The following ERGIC2 variants were observed in gnomAD, a reference collection of about 807,000 sequenced individuals.
ERGIC2 encodes ERGIC and golgi 2, also known as endoplasmic reticulum-Golgi intermediate compartment protein 2.
A neutral mutation model predicts 52.5 loss-of-function variants in ERGIC2; 31 were observed. The ratio of observed to expected loss-of-function variants is 0.59; its 90% CI spans 0.44 to 0.80. The LOEUF is 0.80. Ranked by LOEUF, ERGIC2 falls within the 30% of genes least tolerant of loss-of-function variation. ERGIC2 has a pLI of 0.00. For synonymous variants in ERGIC2, 129 were observed against 140.6 expected, an observed-to-expected ratio of 0.92 and a Z score of 0.58; for missense variants, 395 against 455.2, an observed-to-expected ratio of 0.87 and a Z score of 1.20.
Position 29,340,884 on chromosome 12 carries a change from T to A in ERGIC2, c.*272A>T, listed in dbSNP as rs1949832934. ...TGATTTTGATACCACCCATTTGCTA[T>A]GAAAATATAAGAAGGCGTCATCTTC... On this transcript the variant is annotated 3_prime_UTR_variant, in exon 14 of 14. Coordinates refer to ENST00000360150, the MANE Select transcript of ERGIC2 (RefSeq NM_016570.3). The A allele has an allele frequency of 2.0e-6, 1 of 489,440 alleles. No individual in the cohort carries two copies. Among genetic ancestry groups the A allele is most frequent in the African/African-American group, 2.0e-5 (1 of 50,112 alleles). The allele number at this position is 489,440 out of a possible 1,614,324, so 30.3% of individuals were successfully genotyped here.
intron 5 of ERGIC2, among the ~76,000 whole-genome samples, chr12:29,365,633 C>T (rs1169903234): frequency 6.9e-6 from 1 of 144,276 alleles, no homozygotes; most frequent in East Asian, 2.1e-4. Context: ...AGTCCCTCTT[C>T]AAAATGATAA....
At chr12:29,375,528 T>C (rs950178295) in intron 1 of ERGIC2, among the ~76,000 whole-genome samples, 5 of 152,162 alleles carry the variant, frequency 3.3e-5, no homozygotes, top group African/African-American at 9.7e-5. Context: ...ACAGTGGCCA[T>C]CACATAGTCA....
Position 29,343,191 on chromosome 12 carries a change from T to TCA in ERGIC2, c.915_916dup (p.Glu306ValfsTer12). 1 of 1,611,420 alleles carries TCA rather than the reference T, an allele frequency of 6.2e-7. No individual in the cohort carries two copies. The highest frequency in any genetic ancestry group is 8.5e-7 in the Non-Finnish European group (1 of 1,178,192). On this transcript the variant is annotated frameshift_variant, in exon 12 of 14. Transcript: ENST00000360150. LOFTEE classifies it high-confidence loss of function. ...AAACTGCCAGAATGGCATGTGCTCCTCAGTAACTGTCACCATAAGAGAACT... is the reference window on the plus strand; with the variant it reads ...AAACTGCCAGAATGGCATGTGCTCCTCACAGTAACTGTCACCATAAGAGAACT...
intron 7 of ERGIC2, 21 bp downstream of exon 7, chr12:29,357,602 C>A: frequency 1.7e-6 from 2 of 1,210,218 alleles, no homozygotes; most frequent in Non-Finnish European, 2.4e-6. Context: ...AACAGTTGCA[C>A]ATTTAAAATA....
chr12:29,357,043 C>T (rs1323640072), intron 7 of ERGIC2, among the ~76,000 whole-genome samples: 1 of 123,714 alleles, frequency 8.1e-6, no homozygotes, highest in Non-Finnish European at 1.6e-5. Flanking sequence ...TCTTGGCTCA[C>T]TGTAACCCCG....
intron 9 of ERGIC2, among the ~76,000 whole-genome samples, chr12:29,349,735 A>G (rs545615128): frequency 6.6e-6 from 1 of 152,204 alleles, no homozygotes; most frequent in South Asian, 2.1e-4. Context: ...GCAAATTGAA[A>G]TAAACTGCAA....
At chr12:29,364,283 A>G (rs1278156804) in intron 5 of ERGIC2, among the ~76,000 whole-genome samples, 3 of 152,138 alleles carry the variant, frequency 2.0e-5, no homozygotes, top group Non-Finnish European at 2.9e-5. Context: ...AACAGAATGG[A>G]GAATCCAGAA....
chr12:29,356,353 A>G lies in ERGIC2; in HGVS notation c.572+29T>C, dbSNP rs762803863. The stretch of plus-strand genomic sequence containing the variant: ...TTAACCAAGCTCCAACTTTGTCTAA[A>G]GTATTTTCAGTAAGTGAAAAGAACA... On this transcript the variant is annotated intron_variant, in intron 8 of 13. Transcript: ENST00000360150. 12 of 1,289,868 alleles carry G rather than the reference A, an allele frequency of 9.3e-6. No individual in the cohort carries two copies. In the East Asian group the frequency reaches 2.5e-4, roughly 27 times the overall value. 79.9% of individuals were successfully genotyped at this position (1,289,868 alleles called of 1,614,324 possible).
Position 29,341,205 on chromosome 12 carries a change from T to A in ERGIC2, c.1085A>T (p.Asp362Val). 1 of 1,608,858 alleles carries A rather than the reference T, an allele frequency of 6.2e-7. No homozygotes were observed. Residue 362 changes from aspartate (D) to valine (V), a missense_variant, in exon 14 of 14, where the codon GAT becomes GTT. Physicochemically the swap from Asp to Val is radical, Grantham distance 152. Transcript: ENST00000360150. ...AGGTAAGTGGTTGTCTGTGTGGCCATCCTCAAAAGGAACCTAAGGAGAAAA... is the reference window on the plus strand; with the variant it reads ...AGGTAAGTGGTTGTCTGTGTGGCCAACCTCAAAAGGAACCTAAGGAGAAAA... ...YKPVNSVPFE[D>V]GHTDNHLPLL... is the part of the protein sequence containing the mutation.
At position 29,350,085 on chromosome 12, in the gene ERGIC2, C is replaced by G; in HGVS notation, c.573-17G>C. On this transcript the variant is annotated splice_polypyrimidine_tract_variant and intron_variant, in intron 8 of 13. Transcript: ENST00000360150. ...GGAATTGCCCTGAAAGGAGAAAAAA[C>G]AATTATTAAAGTAGTACCATTTATA... is the stretch of plus-strand genomic sequence containing the variant. 1 of 1,537,430 alleles carries G rather than the reference C, an allele frequency of 6.5e-7. No individual in the cohort carries two copies. The highest frequency in any genetic ancestry group is 9.0e-7 in the Non-Finnish European group (1 of 1,113,636).
intron 5 of ERGIC2, among the ~76,000 whole-genome samples, chr12:29,362,765 C>G (rs1299630752): frequency 6.6e-6 from 1 of 152,154 alleles, no homozygotes; most frequent in Non-Finnish European, 1.5e-5. Context: ...CCCAATCTTT[C>G]TGATGTTTCC....
At chr12:29,351,075 C>A (rs1011875577) in intron 8 of ERGIC2, among the ~76,000 whole-genome samples, 3 of 151,770 alleles carry the variant, frequency 2.0e-5, no homozygotes, top group African/African-American at 7.2e-5. Context: ...GCACTGAGCT[C>A]AAAAAATATA....
At chr12:29,365,749 T>G (rs1418507277) in intron 5 of ERGIC2, among the ~76,000 whole-genome samples, 3 of 151,430 alleles carry the variant, frequency 2.0e-5, no homozygotes, top group Admixed American at 6.6e-5. Flanking sequence ...TATTAAAATA[T>G]CTAATAATAA....
intron 1 of ERGIC2, among the ~76,000 whole-genome samples, chr12:29,373,823 G>A (rs961607118): frequency 1.3e-5 from 2 of 152,010 alleles, no homozygotes; most frequent in South Asian, 2.1e-4. Flanking sequence ...TGACCCCCAC[G>A]TCAGTTATAA....
intron 8 of ERGIC2, among the ~76,000 whole-genome samples, chr12:29,355,115 T>C (rs2136861851): frequency 6.6e-6 from 1 of 152,262 alleles, no homozygotes; most frequent in Non-Finnish European, 1.5e-5. Flanking sequence ...CTCCTTTATA[T>C]ATTAAATTCC....
chr12:29,350,575 C>A (rs900512620), intron 8 of ERGIC2, among the ~76,000 whole-genome samples: 1 of 152,024 alleles, frequency 6.6e-6, no homozygotes, highest in Non-Finnish European at 1.5e-5. Context: ...TGAGCATATT[C>A]ATTGCTTGAA....
intron 2 of ERGIC2, among the ~76,000 whole-genome samples, 161 bp from the exon 3 acceptor site, chr12:29,370,383 T>C (rs1940424934): frequency 6.6e-6 from 1 of 151,964 alleles, no homozygotes. Context: ...AAAATGTTTA[T>C]TATGCATTTT....
chr12:29,340,707 AGTTTTCCGTAT>A lies in ERGIC2; in HGVS notation c.*438_*448del, dbSNP rs1237545464. 3 of 350,920 alleles carry A rather than the reference AGTTTTCCGTAT, an allele frequency of 8.5e-6. No individual in the cohort carries two copies. The highest frequency in any genetic ancestry group is 4.4e-5 in the African/African-American group (2 of 45,196). 21.7% of individuals were successfully genotyped at this position (350,920 alleles called of 1,614,324 possible). ...ATCACAATTCTTTAAAGTCTAGACT[AGTTTTCCGTAT>A]GTTTTCCACATTTTATTCTGACATC... is the stretch of plus-strand genomic sequence containing the variant. On this transcript the variant is annotated 3_prime_UTR_variant, in exon 14 of 14. Transcript: ENST00000360150.
At chr12:29,364,678 C>T (rs1476158742) in intron 5 of ERGIC2, among the ~76,000 whole-genome samples, 1 of 152,028 alleles carries the variant, frequency 6.6e-6, no homozygotes, top group Non-Finnish European at 1.5e-5. Context: ...AGACAACCTA[C>T]AGAATGTGAG....
Sources: allele counts gnomAD v4.1 joint callset (sites outside exome capture counted in the v4.1 genomes callset), GRCh38; gene constraint gnomAD v4.1.1; transcripts MANE v1.5; gene names NCBI Gene and HGNC (gene_info 2026-07-23, HGNC 2026-07-21).